ADHFE1: variants seen among roughly 807,000 people sequenced by gnomAD.
ADHFE1 encodes the protein alcohol dehydrogenase iron containing 1, also known as hydroxyacid-oxoacid transhydrogenase, mitochondrial.
Under a neutral mutation model 54.8 loss-of-function variants are expected in ADHFE1, and 37 were observed. The observed-to-expected ratio is 0.68, with a 90% CI of 0.52 to 0.89. ADHFE1 has a LOEUF of 0.89. Ranked by LOEUF, ADHFE1 falls within the 40% of genes least tolerant of loss-of-function variation. ADHFE1 has a pLI of 0.00. For missense variants in ADHFE1, 601 were observed against 591.2 expected (o/e 1.02, Z -0.17); for synonymous variants, 203 against 229.3 (o/e 0.89, Z 1.04).
chr8:66,449,797 T>G (rs1806208110), intron 8 of ADHFE1, among the ~76,000 whole-genome samples: 1 of 152,232 alleles, frequency 6.6e-6, no homozygotes, highest in South Asian at 2.1e-4. Context: ...CATCACAGTA[T>G]GTTTTCATCC....
At chr8:66,462,852 A>G (rs1410228695) in intron 13 of ADHFE1, among the ~76,000 whole-genome samples, 4 of 151,762 alleles carry the variant, frequency 2.6e-5, no homozygotes, top group Non-Finnish European at 5.9e-5. Context: ...ACAGAGTTTC[A>G]CTCTCATTGC....
intron 9 of ADHFE1, chr8:66,453,713 C>T (rs1322597633): frequency 1.5e-5 from 21 of 1,371,456 alleles, no homozygotes; most frequent in African/African-American, 2.9e-5. Flanking sequence ...TTCACAGGGC[C>T]GTCAACAGCA....
intron 1 of ADHFE1, among the ~76,000 whole-genome samples, chr8:66,434,215 A>T (rs964296660): frequency 6.6e-6 from 1 of 152,218 alleles, no homozygotes; most frequent in Non-Finnish European, 1.5e-5. Flanking sequence ...CAGTGGGCTC[A>T]TTTACCAAGG....
chr8:66,451,936 T>C lies in ADHFE1; in HGVS notation c.735-17T>C. Reference sequence around the variant, plus strand: ...GATGACGCTTTCCATCTGTGTACTTTCAATATTTCTTTTTAGCCATGCCCT... The same window carrying C: ...GATGACGCTTTCCATCTGTGTACTTCCAATATTTCTTTTTAGCCATGCCCT... On this transcript the variant is annotated splice_polypyrimidine_tract_variant and intron_variant, in intron 8 of 13. Transcript: ENST00000396623. 6.2e-7 allele frequency: 1 copy of C among 1,612,568 alleles called. No homozygotes were observed. The highest frequency in any genetic ancestry group is 1.3e-5 in the African/African-American group (1 of 74,964).
rs377352597 is a variant in ADHFE1, at chr8:66,444,641, G to C, written c.246G>C (p.Lys82Asn). The change falls in exon 5 of 14, where the codon AAG (lysine) becomes AAC (asparagine). Residue 82 changes from lysine (K) to asparagine (N), a missense_variant. Physicochemically the swap from Lys to Asn is moderately conservative, Grantham distance 94 (BLOSUM62 0). Transcript: ENST00000396623. ...AAAATGTGTGCTTGATGACAGACAA[G>C]AACCTCTCCAAGCTCCCTCCTGTGC... ...GAKNVCLMTD[K>N]NLSKLPPVQV... The C allele has an allele frequency of 1.1e-5, 17 of 1,614,082 alleles. No individual in the cohort carries two copies. The highest frequency in any genetic ancestry group is 1.4e-5 in the Non-Finnish European group (16 of 1,180,040).
rs1288227311 is a variant in ADHFE1 at position 66,468,820 on chromosome 8, T to C, written c.*468T>C. 1 of 153,772 alleles carries C rather than the reference T, an allele frequency of 6.5e-6. No homozygotes were observed. The highest frequency in any genetic ancestry group is 2.4e-5 in the African/African-American group (1 of 41,466). The allele number at this position is 153,772 out of a possible 1,614,324, so 9.5% of individuals were successfully genotyped here. ...AAAGATTTGAAACAACCTTAAGTAT[T>C]CATTATTGGTATATAGATCACTTAT... On this transcript the variant is annotated 3_prime_UTR_variant, in exon 14 of 14. Coordinates refer to ENST00000396623, the MANE Select transcript of ADHFE1 (RefSeq NM_144650.3).
At chr8:66,460,192 TG>T in intron 12 of ADHFE1, 115 bp from the exon 13 acceptor site, 2 of 1,334,318 alleles carry the variant, frequency 1.5e-6, no homozygotes, top group Non-Finnish European at 2.1e-6. Context: ...GGCCCCGTGC[TG>T]GGCGTTAGGG....
chr8:66,445,255 T>G lies in ADHFE1; in HGVS notation c.391T>G (p.Phe131Val), dbSNP rs756940307. 3.1e-6 allele frequency: 5 copies of G among 1,612,688 alleles called. No individual in the cohort carries two copies. Among genetic ancestry groups the G allele is most frequent in the Non-Finnish European group, 8.5e-7 (1 of 1,179,698 alleles). ...TATTGAGTTTGCCCAAAAGGGAGCT[T>G]TTGATGCCTATGTTGCTGTCGGTGG... ...EAIEFAQKGA[F>V]DAYVAVGGGS... Residue 131 changes from phenylalanine (F) to valine (V), a missense_variant, in exon 6 of 14, where the codon TTT becomes GTT. Physicochemically the swap from Phe to Val is conservative, Grantham distance 50 (BLOSUM62 -1). Coordinates refer to ENST00000396623, the MANE Select transcript of ADHFE1 (RefSeq NM_144650.3).
At chr8:66,455,807 C>T (rs1325884653) in intron 10 of ADHFE1, among the ~76,000 whole-genome samples, 1 of 152,086 alleles carries the variant, frequency 6.6e-6, no homozygotes, top group Non-Finnish European at 1.5e-5. Flanking sequence ...CCTGTAGTCC[C>T]AGCTACTCAA....
chr8:66,435,946 C>T (rs1364103850), intron 1 of ADHFE1, among the ~76,000 whole-genome samples: 1 of 141,844 alleles, frequency 7.1e-6, no homozygotes, highest in Non-Finnish European at 1.5e-5. Flanking sequence ...GATGGAGTCT[C>T]GCTCTGTCGC....
intron 1 of ADHFE1, 92 bp from the exon 2 acceptor site, chr8:66,440,070 T>C (rs1805668174): frequency 8.1e-7 from 1 of 1,232,326 alleles, no homozygotes; most frequent in Non-Finnish European, 1.2e-6. Context: ...ATCTTAGCAC[T>C]AGACTGCAAT....
At chr8:66,463,454 CAG>C (rs1396321698) in intron 13 of ADHFE1, among the ~76,000 whole-genome samples, 3 of 152,266 alleles carry the variant, frequency 2.0e-5, no homozygotes, top group East Asian at 3.9e-4. Flanking sequence ...TTTCATGATT[CAG>C]AGAAATATAG....
chr8:66,452,949 C>A (rs146689067), intron 9 of ADHFE1, among the ~76,000 whole-genome samples: 3 of 152,370 alleles, frequency 2.0e-5, no homozygotes, highest in Non-Finnish European at 4.4e-5. Context: ...GACGTGAGCA[C>A]GGTGCTTCCT....
At chr8:66,437,805 T>G (rs1805544028) in intron 1 of ADHFE1, among the ~76,000 whole-genome samples, 1 of 152,116 alleles carries the variant, frequency 6.6e-6, no homozygotes, top group Non-Finnish European at 1.5e-5. Flanking sequence ...GTGTGGTACG[T>G]TTTAACACGG....
chr8:66,458,546 G>A (rs914189833), intron 12 of ADHFE1, among the ~76,000 whole-genome samples: 2 of 152,272 alleles, frequency 1.3e-5, no homozygotes, highest in Admixed American at 6.5e-5. Flanking sequence ...AAGAGAGAGC[G>A]CAAATCATAG....
intron 1 of ADHFE1, among the ~76,000 whole-genome samples, chr8:66,437,337 A>G (rs904824976): frequency 6.6e-6 from 1 of 152,106 alleles, no homozygotes; most frequent in African/African-American, 2.4e-5. Flanking sequence ...TAGGGAATGC[A>G]AGACAGATTG....
chr8:66,461,785 A>G (rs189337995), intron 13 of ADHFE1, among the ~76,000 whole-genome samples: 4 of 152,286 alleles, frequency 2.6e-5, no homozygotes, highest in Admixed American at 2.6e-4. Flanking sequence ...TTTCCAATGC[A>G]CAAATGAAAT....
intron 1 of ADHFE1, among the ~76,000 whole-genome samples, chr8:66,437,740 T>G (rs1255597441): frequency 6.6e-6 from 1 of 152,188 alleles, no homozygotes; most frequent in Non-Finnish European, 1.5e-5. Context: ...AGATCCTGCC[T>G]GGGCATCACT....
intron 3 of ADHFE1, among the ~76,000 whole-genome samples, chr8:66,443,101 C>T (rs1339896220): frequency 2.0e-5 from 3 of 151,960 alleles, no homozygotes; most frequent in Admixed American, 2.0e-4. Context: ...TCTACAAATT[C>T]TCCAGTACAT....
Sources: gnomAD v4.1 joint callset for allele counts (sites outside exome capture counted in the v4.1 genomes callset) on GRCh38, gnomAD v4.1.1 for gene constraint, MANE v1.5 for transcripts, NCBI Gene and HGNC (gene_info 2026-07-23, HGNC 2026-07-21) for gene names.